Variants in HS6ST3 observed in about 807,000 individuals in gnomAD.
HS6ST3 encodes heparan-sulfate 6-O-sulfotransferase 3.
In HS6ST3, 12 loss-of-function variants were observed where a neutral mutation model predicts 36.7. The ratio of observed to expected loss-of-function variants is 0.33; its 90% CI spans 0.21 to 0.53. The LOEUF (loss-of-function observed/expected upper bound fraction) is 0.53. Ranked by LOEUF, HS6ST3 falls within the 20% of genes least tolerant of loss-of-function variation. HS6ST3 has a pLI of 0.95. For synonymous variants in HS6ST3, 240 were observed against 257.5 expected, an observed-to-expected ratio of 0.93 and a Z score of 0.65; for missense variants, 584 against 640.9, an observed-to-expected ratio of 0.91 and a Z score of 0.96.
chr13:96,579,703 TA>T (rs1323149506), intron 1 of HS6ST3, among the ~76,000 whole-genome samples: 8 of 152,174 alleles, frequency 5.3e-5, no homozygotes, highest in Non-Finnish European at 8.8e-5. Context: ...GAAATACCAT[TA>T]TTTTTTTCTA....
At chr13:96,489,071 T>G (rs1024841544) in intron 1 of HS6ST3, among the ~76,000 whole-genome samples, 11 of 152,020 alleles carry the variant, frequency 7.2e-5, no homozygotes, top group Non-Finnish European at 1.5e-4. Context: ...ATAAATAACA[T>G]TGTAATGGGC....
Position 96,467,374 on chromosome 13 carries a change from C to T in HS6ST3, c.708-365116C>T, listed in dbSNP as rs1047441391. 2.0e-5 allele frequency among the ~76,000 whole-genome samples: 3 copies of T among 152,088 alleles called. No homozygotes were observed. The East Asian group carries it at 5.8e-4, about 29-fold the overall frequency. On this transcript the variant is annotated intron_variant, in intron 1 of 1. Transcript: ENST00000376705. ...AGTCCCGTTTCTCTTTAATTAGTCT[C>T]GTAGGAAAAGAGGAGCAAGATCATG...
At chr13:96,318,640 AATAGGG>A (rs1212569640) in intron 1 of HS6ST3, among the ~76,000 whole-genome samples, 1 of 150,648 alleles carries the variant, frequency 6.6e-6, no homozygotes, top group Admixed American at 6.6e-5. Context: ...CCATTTATTG[AATAGGG>A]ATCCTTTCCT....
chr13:96,269,975 A>G (rs1205727620), intron 1 of HS6ST3, among the ~76,000 whole-genome samples: 1 of 151,862 alleles, frequency 6.6e-6, no homozygotes, highest in East Asian at 1.9e-4. Flanking sequence ...CTTCCTTCCA[A>G]CAAGACTTAT....
At chr13:96,738,357 C>G (rs770882069) in intron 1 of HS6ST3, among the ~76,000 whole-genome samples, 1 of 151,586 alleles carries the variant, frequency 6.6e-6, no homozygotes, top group Non-Finnish European at 1.5e-5. Context: ...ACTGCAGTAA[C>G]ATCAAAGAAT....
In HS6ST3 at chr13:96,090,544, G is replaced by C. The variant is rs1436403612; in HGVS notation, c.-319G>C. ...CTGCAAGCCGCCGGCGGGATGCCGC[G>C]CGTCGCCTGAGAGAGCCGCGCCGGG... On this transcript the variant is annotated 5_prime_UTR_variant, in exon 1 of 2. Transcript: ENST00000376705. 1.4e-5 allele frequency among the ~76,000 whole-genome samples: 2 copies of C among 146,402 alleles called. No individual in the cohort carries two copies. Among genetic ancestry groups the C allele is most frequent in the Non-Finnish European group, 1.5e-5 (1 of 65,798 alleles).
chr13:96,693,862 C>T (rs545309), intron 1 of HS6ST3, among the ~76,000 whole-genome samples: 2,276 of 152,200 alleles, frequency 0.015, 54 homozygotes, highest in African/African-American at 0.051. Context: ...TTACATGGGT[C>T]CAGATTTAAC....
At chr13:96,667,344 A>G (rs2056667410) in intron 1 of HS6ST3, among the ~76,000 whole-genome samples, 1 of 152,192 alleles carries the variant, frequency 6.6e-6, no homozygotes, top group Non-Finnish European at 1.5e-5. Flanking sequence ...GCTTCTTTGC[A>G]GAAAATATGC....
chr13:96,576,759 T>C (rs2056322937), intron 1 of HS6ST3, among the ~76,000 whole-genome samples: 1 of 151,772 alleles, frequency 6.6e-6, no homozygotes, highest in African/African-American at 2.4e-5. Context: ...CTGGCCAACA[T>C]TGTGACACTC....
chr13:96,129,806 A>C (rs1377343160), intron 1 of HS6ST3, among the ~76,000 whole-genome samples: 1 of 152,198 alleles, frequency 6.6e-6, no homozygotes, highest in Non-Finnish European at 1.5e-5. Flanking sequence ...GGAAATTTGA[A>C]GACAGACTCA....
intron 1 of HS6ST3, among the ~76,000 whole-genome samples, chr13:96,190,939 A>AGAGGT: frequency 6.6e-6 from 1 of 152,086 alleles, no homozygotes; most frequent in Admixed American, 6.6e-5. Flanking sequence ...ATGGGATTGG[A>AGAGGT]GAGGTGGCCA....
chr13:96,758,939 G>A (rs991491291), intron 1 of HS6ST3, among the ~76,000 whole-genome samples: 2 of 151,496 alleles, frequency 1.3e-5, no homozygotes, highest in African/African-American at 4.8e-5. Flanking sequence ...CTATTATCCT[G>A]AATTTCTCTA....
At chr13:96,685,936 A>G (rs921391441) in intron 1 of HS6ST3, among the ~76,000 whole-genome samples, 1 of 152,098 alleles carries the variant, frequency 6.6e-6, no homozygotes, top group Admixed American at 6.6e-5. Flanking sequence ...TGCTCACTTA[A>G]TGACAGTGAC....
chr13:96,286,517 A>G (rs1007306915), intron 1 of HS6ST3, among the ~76,000 whole-genome samples: 1 of 152,206 alleles, frequency 6.6e-6, no homozygotes. Context: ...ACACAGATGA[A>G]TAGAATCTGT....
At chr13:96,469,066 GT>G (rs879611332) in intron 1 of HS6ST3, among the ~76,000 whole-genome samples, 9 of 151,914 alleles carry the variant, frequency 5.9e-5, no homozygotes, top group African/African-American at 1.2e-4. Flanking sequence ...TGGTAAGGAA[GT>G]TTTTTTTCTC....
chr13:96,661,207 G>A (rs905825196), intron 1 of HS6ST3, among the ~76,000 whole-genome samples: 3 of 152,026 alleles, frequency 2.0e-5, no homozygotes, highest in Non-Finnish European at 4.4e-5. Flanking sequence ...TATCTGCCTC[G>A]AAGATCTACC....
At chr13:96,472,410 A>C (rs1181335953) in intron 1 of HS6ST3, among the ~76,000 whole-genome samples, 2 of 152,176 alleles carry the variant, frequency 1.3e-5, no homozygotes, top group East Asian at 3.9e-4. Context: ...CATATCTTGC[A>C]TGCTGTTCTT....
chr13:96,524,264 T>G (rs980225238), intron 1 of HS6ST3, among the ~76,000 whole-genome samples: 4 of 152,072 alleles, frequency 2.6e-5, no homozygotes, highest in African/African-American at 9.7e-5. Context: ...CTGTATGAGG[T>G]GTCTGTTGGC....
At chr13:96,156,992 C>T (rs1326849943) in intron 1 of HS6ST3, among the ~76,000 whole-genome samples, 1 of 152,146 alleles carries the variant, frequency 6.6e-6, no homozygotes, top group African/African-American at 2.4e-5. Flanking sequence ...GTCACTCCAG[C>T]ATGTGGCAGG....
Sources: gnomAD v4.1 joint callset for allele counts (sites outside exome capture counted in the v4.1 genomes callset) on GRCh38, gnomAD v4.1.1 for gene constraint, MANE v1.5 for transcripts, NCBI Gene and HGNC (gene_info 2026-07-23, HGNC 2026-07-21) for gene names.